ZZZ3: variants seen among roughly 807,000 people sequenced by gnomAD.
The protein encoded by ZZZ3 is ZZ-type zinc finger-containing protein 3.
In ZZZ3, 22 loss-of-function variants were observed where a neutral mutation model predicts 95.2. That is an observed-to-expected ratio of 0.23 (90% CI 0.17 to 0.33). The LOEUF is 0.33. Ranked by LOEUF, ZZZ3 falls within the 10% of genes least tolerant of loss-of-function variation. ZZZ3 has a pLI of 1.00. For missense variants in ZZZ3, 885 were observed against 1,066.5 expected (o/e 0.83, Z 2.37); for synonymous variants, 335 against 358.9 (o/e 0.93, Z 0.75).
At chr1:77,615,635 T>C (rs1477831722) in intron 5 of ZZZ3, among the ~76,000 whole-genome samples, 1 of 152,222 alleles carries the variant, frequency 6.6e-6, no homozygotes, top group African/African-American at 2.4e-5. Flanking sequence ...AATATATTTC[T>C]CCATGTTACA....
chr1:77,679,034 T>G (rs1448148281), intron 1 of ZZZ3, among the ~76,000 whole-genome samples: 1 of 152,130 alleles, frequency 6.6e-6, no homozygotes, highest in Non-Finnish European at 1.5e-5. Context: ...AAAAATTACC[T>G]ACATAAATGA....
At chr1:77,665,854 C>A (rs1413506030) in intron 1 of ZZZ3, among the ~76,000 whole-genome samples, 2 of 150,840 alleles carry the variant, frequency 1.3e-5, no homozygotes, top group Non-Finnish European at 3.0e-5. Context: ...CCAGCCTGGC[C>A]AACATGGCAA....
At chr1:77,666,499 C>G (rs1043315537) in intron 1 of ZZZ3, among the ~76,000 whole-genome samples, 3 of 152,184 alleles carry the variant, frequency 2.0e-5, no homozygotes, top group Non-Finnish European at 2.9e-5. Context: ...TGCCACTGCA[C>G]TCCAGCCTGG....
chr1:77,636,470 T>C (rs889680309), intron 4 of ZZZ3, among the ~76,000 whole-genome samples: 2 of 152,134 alleles, frequency 1.3e-5, no homozygotes, highest in Admixed American at 1.3e-4. Context: ...CCCAGGACTT[T>C]GGGAAACCGA....
At chr1:77,597,674 A>G (rs1664340317) in intron 5 of ZZZ3, among the ~76,000 whole-genome samples, 1 of 152,080 alleles carries the variant, frequency 6.6e-6, no homozygotes, top group African/African-American at 2.4e-5. Context: ...ACAAATTCAA[A>G]TAGAGAGGCA....
chr1:77,644,649 TTATC>T, intron 1 of ZZZ3, among the ~76,000 whole-genome samples: 1 of 152,322 alleles, frequency 6.6e-6, no homozygotes, highest in South Asian at 2.1e-4. Flanking sequence ...TATCTGTACT[TTATC>T]TATAAAATGA....
intron 1 of ZZZ3, among the ~76,000 whole-genome samples, chr1:77,670,277 G>T (rs1000770108): frequency 4.0e-5 from 6 of 150,956 alleles, no homozygotes; most frequent in Non-Finnish European, 7.4e-5. Context: ...TTTTTTGGGG[G>T]GGGGCAGAGT....
At position 77,636,580 on chromosome 1, in the gene ZZZ3, T is replaced by C. The variant is rs968625055; in HGVS notation, c.-52+2869A>G. 7.9e-5 allele frequency among the ~76,000 whole-genome samples: 12 copies of C among 151,644 alleles called. No individual in the cohort carries two copies. The South Asian group carries it at 2.5e-3, about 32-fold the overall frequency. The stretch of plus-strand genomic sequence containing the variant: ...ATACAAAAAATTTATCCAGGTGTAG[T>C]GAAGCCTGCCTGTAGTCCCAGGTAC... On this transcript the variant is annotated intron_variant, in intron 4 of 14. Transcript: ENST00000370801.
At chr1:77,683,260 A>C (rs1167740607), upstream of ZZZ3, 1 of 128,038 alleles carries the variant, frequency 7.8e-6, no homozygotes, top group Non-Finnish European at 1.6e-5. Context: ...GCTCTTGCTC[A>C]CCTTTCACGC....
At chr1:77,598,402 G>C (rs1448443108) in intron 5 of ZZZ3, among the ~76,000 whole-genome samples, 1 of 152,100 alleles carries the variant, frequency 6.6e-6, no homozygotes, top group Non-Finnish European at 1.5e-5. Flanking sequence ...GGTTGGTCTT[G>C]CTGTTCCAGG....
At chr1:77,666,448 G>A (rs570983543) in intron 1 of ZZZ3, among the ~76,000 whole-genome samples, 1 of 152,178 alleles carries the variant, frequency 6.6e-6, no homozygotes, top group South Asian at 2.1e-4. Context: ...TGGGAAGATC[G>A]CTTAAACCCA....
In ZZZ3 at chr1:77,629,439, G is replaced by A. The variant is rs181763532; in HGVS notation, c.1505+2411C>T. Among the ~76,000 whole-genome samples, 6 of 152,224 alleles carry A rather than the reference G, an allele frequency of 3.9e-5. No individual in the cohort carries two copies. In the East Asian group the frequency reaches 5.8e-4, roughly 15 times the overall value. ...TCAAGATCAGCCTGGACAACATGGC[G>A]AACCCCTGTCTCAATTAAAATTACA... On this transcript the variant is annotated intron_variant, in intron 5 of 14. Coordinates refer to ENST00000370801, the MANE Select transcript of ZZZ3 (RefSeq NM_015534.6).
intron 5 of ZZZ3, among the ~76,000 whole-genome samples, chr1:77,618,722 T>C (rs1371654102): frequency 1.3e-5 from 2 of 152,230 alleles, no homozygotes; most frequent in Non-Finnish European, 2.9e-5. Context: ...AAGTTCTGAT[T>C]ACCTTAACTT....
chr1:77,674,157 G>C (rs1053414844), intron 1 of ZZZ3, among the ~76,000 whole-genome samples: 14 of 151,876 alleles, frequency 9.2e-5, no homozygotes, highest in Non-Finnish European at 5.9e-5. Context: ...AACAAAGAAG[G>C]CTTTTATTTG....
chr1:77,616,430 A>T (rs933887101), intron 5 of ZZZ3, among the ~76,000 whole-genome samples: 4 of 152,210 alleles, frequency 2.6e-5, no homozygotes, highest in African/African-American at 9.7e-5. Context: ...TGTAACCTAT[A>T]TACTTCAAGA....
intron 5 of ZZZ3, among the ~76,000 whole-genome samples, chr1:77,603,335 C>G (rs1336047716): frequency 6.6e-6 from 1 of 152,196 alleles, no homozygotes; most frequent in Admixed American, 6.5e-5. Context: ...TAACCTTGGA[C>G]TCCCAAGTGC....
At chr1:77,584,018 T>C (rs957642262) in intron 6 of ZZZ3, among the ~76,000 whole-genome samples, 6 of 152,222 alleles carry the variant, frequency 3.9e-5, no homozygotes, top group Non-Finnish European at 8.8e-5. Flanking sequence ...AAATTTATAC[T>C]TCTTCCTCAT....
chr1:77,639,382 C>CAAAA, intron 4 of ZZZ3, 67 bp downstream of exon 4: 4 of 1,055,448 alleles, frequency 3.8e-6, no homozygotes, highest in Non-Finnish European at 5.1e-6. Flanking sequence ...CTCCCCATCT[C>CAAAA]AAAAAAAAAA....
chr1:77,585,967 G>A (rs1308507235), intron 5 of ZZZ3, among the ~76,000 whole-genome samples: 4 of 152,126 alleles, frequency 2.6e-5, no homozygotes, highest in South Asian at 2.1e-4. Flanking sequence ...TAACATTGAA[G>A]GGCAAGACTC....
Sources: gnomAD v4.1 joint callset for allele counts (sites outside exome capture counted in the v4.1 genomes callset) on GRCh38, gnomAD v4.1.1 for gene constraint, MANE v1.5 for transcripts, NCBI Gene and HGNC (gene_info 2026-07-23, HGNC 2026-07-21) for gene names.